Variants in PITPNC1 observed in about 807,000 individuals in gnomAD.
PITPNC1 encodes the protein cytoplasmic phosphatidylinositol transfer protein 1.
A neutral mutation model predicts 44.7 loss-of-function variants in PITPNC1; 18 were observed. That is an observed-to-expected ratio of 0.40 (90% CI 0.28 to 0.60). PITPNC1 has a LOEUF of 0.60. Ranked by LOEUF, PITPNC1 falls within the 20% of genes least tolerant of loss-of-function variation. The probability of loss-of-function intolerance (pLI) is 0.39; values close to 1 mark genes in which losing one functional copy is unlikely to be tolerated. For missense variants in PITPNC1, 290 were observed against 418.4 expected (o/e 0.69, Z 2.68); for synonymous variants, 141 against 149.6 (o/e 0.94, Z 0.42).
At chr17:67,535,711 T>C (rs2040518987) in intron 2 of PITPNC1, among the ~76,000 whole-genome samples, 1 of 152,096 alleles carries the variant, frequency 6.6e-6, no homozygotes. Flanking sequence ...GAAATATAAC[T>C]ATGTAAAGAA....
At chr17:67,528,203 G>A (rs1341189517) in intron 1 of PITPNC1, among the ~76,000 whole-genome samples, 6 of 151,968 alleles carry the variant, frequency 3.9e-5, no homozygotes, top group Non-Finnish European at 7.4e-5. Context: ...CACCACATCC[G>A]GCTAATTTTT....
intron 1 of PITPNC1, among the ~76,000 whole-genome samples, chr17:67,403,218 C>CAGAAAAAAAAA (rs1787598856): frequency 1.4e-5 from 1 of 68,974 alleles, no homozygotes; most frequent in African/African-American, 5.2e-5. Context: ...CTCATCTCTA[C>CAGAAAAAAAAA]AAAAAAAAAA....
At chr17:67,455,099 G>C (rs752648439) in intron 1 of PITPNC1, among the ~76,000 whole-genome samples, 7 of 152,074 alleles carry the variant, frequency 4.6e-5, no homozygotes, top group Non-Finnish European at 7.4e-5. Context: ...GGGTTAACAG[G>C]TGTGAGCCTC....
chr17:67,539,355 T>C (rs958455384), intron 2 of PITPNC1, among the ~76,000 whole-genome samples: 2 of 152,176 alleles, frequency 1.3e-5, no homozygotes, highest in African/African-American at 4.8e-5. Flanking sequence ...AAGGAGACAT[T>C]TACCAGGAGA....
At chr17:67,683,131 C>T (rs2042742861) in intron 8 of PITPNC1, among the ~76,000 whole-genome samples, 1 of 139,986 alleles carries the variant, frequency 7.1e-6, no homozygotes. Flanking sequence ...CATTGCACTC[C>T]AGCCCGGGTG....
chr17:67,652,668 G>C (rs1477414615), intron 6 of PITPNC1, among the ~76,000 whole-genome samples: 6 of 152,246 alleles, frequency 3.9e-5, no homozygotes, highest in African/African-American at 1.4e-4. Flanking sequence ...GCCGAGAGGA[G>C]CTGGGCAGGG....
At chr17:67,433,688 A>T (rs527453685) in intron 1 of PITPNC1, among the ~76,000 whole-genome samples, 10 of 152,190 alleles carry the variant, frequency 6.6e-5, no homozygotes, top group Admixed American at 6.5e-4. Flanking sequence ...TACAGCCTGG[A>T]TAGTAGAGTG....
chr17:67,451,773 G>C (rs1444549509), intron 1 of PITPNC1, among the ~76,000 whole-genome samples: 1 of 152,028 alleles, frequency 6.6e-6, no homozygotes, highest in African/African-American at 2.4e-5. Context: ...AGGGTAGCGG[G>C]CACTACAGGT....
At chr17:67,516,364 C>G (rs919875103) in intron 1 of PITPNC1, among the ~76,000 whole-genome samples, 1 of 152,200 alleles carries the variant, frequency 6.6e-6, no homozygotes, top group Non-Finnish European at 1.5e-5. Flanking sequence ...GGGCAAGTGA[C>G]TTAACCTCTG....
intron 6 of PITPNC1, among the ~76,000 whole-genome samples, chr17:67,637,120 C>T (rs1355213183): frequency 1.3e-5 from 2 of 152,250 alleles, no homozygotes; most frequent in Non-Finnish European, 1.5e-5. Flanking sequence ...TTCCCAGCCG[C>T]TGCCACAGCA....
chr17:67,632,470 A>G (rs567720014), intron 6 of PITPNC1: 3 of 550,720 alleles, frequency 5.4e-6, no homozygotes, highest in Non-Finnish European at 9.6e-6. Context: ...CTGTCTCCCA[A>G]CTCTGCCATC....
intron 1 of PITPNC1, among the ~76,000 whole-genome samples, chr17:67,380,675 C>G (rs1310450529): frequency 6.6e-6 from 1 of 152,144 alleles, no homozygotes; most frequent in Admixed American, 6.6e-5. Context: ...CCACAGTCTC[C>G]ACCATCCCCT....
chr17:67,635,588 G>A (rs1042574781), intron 6 of PITPNC1, among the ~76,000 whole-genome samples: 2 of 152,156 alleles, frequency 1.3e-5, no homozygotes, highest in African/African-American at 4.8e-5. Flanking sequence ...AAAATCCTGG[G>A]GATGGATGAG....
chr17:67,517,629 C>A (rs2040274995), intron 1 of PITPNC1, among the ~76,000 whole-genome samples: 1 of 152,166 alleles, frequency 6.6e-6, no homozygotes, highest in African/African-American at 2.4e-5. Flanking sequence ...ATCTTAAAAA[C>A]ATGTTAAATG....
At chr17:67,380,059 T>C (rs1338550123) in intron 1 of PITPNC1, among the ~76,000 whole-genome samples, 2 of 151,612 alleles carry the variant, frequency 1.3e-5, no homozygotes, top group Non-Finnish European at 2.9e-5. Context: ...CTTCCTTCCT[T>C]TTTTTTGTCT....
At position 67,438,025 on chromosome 17, in the gene PITPNC1, G is replaced by C. The variant is rs552171512; in HGVS notation, c.48+59823G>C. Among the ~76,000 whole-genome samples, 6 of 151,076 alleles carry C rather than the reference G, an allele frequency of 4.0e-5. No individual in the cohort carries two copies. In the South Asian group the frequency reaches 1.0e-3, roughly 26 times the overall value. On this transcript the variant is annotated intron_variant, in intron 1 of 8. Coordinates refer to ENST00000581322, the MANE Select transcript of PITPNC1 (RefSeq NM_012417.4). The stretch of plus-strand genomic sequence containing the variant: ...GGAGGTTGCAGTGAGCGGAGATCTC[G>C]ACACTGCACTCCATCCTGGGCGGCA...
intron 4 of PITPNC1, among the ~76,000 whole-genome samples, chr17:67,575,874 C>CCTTTTTT (rs777390217): frequency 1.5e-3 from 27 of 18,546 alleles, no homozygotes; most frequent in African/African-American, 3.7e-3. Context: ...TTCTTTCTTT[C>CCTTTTTT]TTTCCTTTTT....
Position 67,532,522 on chromosome 17 carries a change from A to C in PITPNC1, c.49-280A>C, listed in dbSNP as rs142835608. Among the ~76,000 whole-genome samples the C allele has an allele frequency of 7.0e-3, 1,064 of 152,134 alleles. 14 individuals are homozygous for C. The highest frequency in any genetic ancestry group is 0.024 in the African/African-American group (997 of 41,504). On this transcript the variant is annotated intron_variant, in intron 1 of 8. Transcript: ENST00000581322. Reference sequence around the variant, plus strand: ...GGAGACTCCAGTGTCCCCCTTCCCAAGGTTTGGTCAGCTGCCAAAGCTTAC... The same window carrying C: ...GGAGACTCCAGTGTCCCCCTTCCCACGGTTTGGTCAGCTGCCAAAGCTTAC...
intron 1 of PITPNC1, 69 bp downstream of exon 1, chr17:67,378,271 G>A: frequency 1.9e-6 from 2 of 1,077,552 alleles, no homozygotes; most frequent in Non-Finnish European, 2.5e-6. Flanking sequence ...CTCCTGGCCG[G>A]CGAGCCCCGG....
Sources: allele counts gnomAD v4.1 joint callset (sites outside exome capture counted in the v4.1 genomes callset), GRCh38; gene constraint gnomAD v4.1.1; transcripts MANE v1.5; gene names NCBI Gene and HGNC (gene_info 2026-07-23, HGNC 2026-07-21).